Variants in PDE3B observed in about 807,000 individuals in gnomAD.
PDE3B encodes the protein cGMP-inhibited 3',5'-cyclic phosphodiesterase 3B.
A neutral mutation model predicts 116.8 loss-of-function variants in PDE3B; 66 were observed. That is an observed-to-expected ratio of 0.56 (90% CI 0.46 to 0.69). The LOEUF is 0.69. Ranked by LOEUF, PDE3B falls within the 30% of genes least tolerant of loss-of-function variation. PDE3B has a pLI of 0.00. For synonymous variants in PDE3B, 595 were observed against 533.6 expected (o/e 1.12, Z -1.59); for missense variants, 1,384 against 1,368.1 (o/e 1.01, Z -0.18).
chr11:14,828,744 CAG>C (rs1232845087), intron 7 of PDE3B, among the ~76,000 whole-genome samples: 22 of 152,166 alleles, frequency 1.4e-4, no homozygotes, highest in Non-Finnish European at 4.4e-5. Context: ...TTGTGGTAGA[CAG>C]TGTGGTGATT....
At chr11:14,867,208 T>C (rs1555008197) in intron 14 of PDE3B, among the ~76,000 whole-genome samples, 3 of 152,214 alleles carry the variant, frequency 2.0e-5, no homozygotes, top group Non-Finnish European at 4.4e-5. Context: ...ATTGACACTA[T>C]GGAATTTTGC....
chr11:14,822,274 C>A (rs1159444372), intron 7 of PDE3B, among the ~76,000 whole-genome samples: 6 of 152,114 alleles, frequency 3.9e-5, no homozygotes, highest in Non-Finnish European at 7.4e-5. Flanking sequence ...ATCATATAAT[C>A]AGCACCCAGA....
At chr11:14,762,832 G>A (rs1311104941) in intron 1 of PDE3B, among the ~76,000 whole-genome samples, 1 of 152,216 alleles carries the variant, frequency 6.6e-6, no homozygotes, top group East Asian at 1.9e-4. Context: ...AAAGAGGGGA[G>A]TTATATTTTT....
intron 5 of PDE3B, among the ~76,000 whole-genome samples, chr11:14,806,649 G>A (rs1858935367): frequency 6.6e-6 from 1 of 151,466 alleles, no homozygotes; most frequent in South Asian, 2.1e-4. Context: ...CACGAGGTCA[G>A]GAGATCGAGA....
intron 8 of PDE3B, among the ~76,000 whole-genome samples, chr11:14,831,273 C>T (rs1859874691): frequency 6.6e-6 from 1 of 151,524 alleles, no homozygotes; most frequent in South Asian, 2.1e-4. Context: ...GAAAAATTAT[C>T]CTGGTAATAA....
chr11:14,755,729 A>G (rs954025190), intron 1 of PDE3B, among the ~76,000 whole-genome samples: 22 of 152,174 alleles, frequency 1.4e-4, no homozygotes, highest in African/African-American at 5.3e-4. Context: ...TATATTTTGA[A>G]TTTTGTCGAT....
intron 1 of PDE3B, among the ~76,000 whole-genome samples, chr11:14,753,108 A>G (rs1385353307): frequency 1.3e-5 from 2 of 152,092 alleles, no homozygotes; most frequent in Non-Finnish European, 2.9e-5. Context: ...TTCACCATCC[A>G]TTGGATCATA....
chr11:14,869,735 A>C lies in PDE3B; in HGVS notation c.*75A>C. On this transcript the variant is annotated 3_prime_UTR_variant, in exon 16 of 16. Transcript: ENST00000282096. ...TGCCCAGGGGCAGAAATCATTGCCT[A>C]GTGTTCACCGGCTGACTCTCAACTG... 2 of 1,213,352 alleles carry C rather than the reference A, an allele frequency of 1.6e-6. No individual in the cohort carries two copies. The allele number at this position is 1,213,352 out of a possible 1,614,324, so 75.2% of individuals were successfully genotyped here.
At chr11:14,674,752 A>G (rs1015544126) in intron 1 of PDE3B, among the ~76,000 whole-genome samples, 1 of 152,210 alleles carries the variant, frequency 6.6e-6, no homozygotes, top group East Asian at 1.9e-4. Context: ...ACTTACACTT[A>G]GGGAGAGACA....
intron 12 of PDE3B, among the ~76,000 whole-genome samples, chr11:14,850,660 T>A (rs1270232576): frequency 6.6e-6 from 1 of 152,204 alleles, no homozygotes; most frequent in Non-Finnish European, 1.5e-5. Context: ...TATTAGTGTA[T>A]GTAAAAATTC....
At chr11:14,698,482 A>G (rs1384929902) in intron 1 of PDE3B, among the ~76,000 whole-genome samples, 2 of 151,852 alleles carry the variant, frequency 1.3e-5, no homozygotes, top group Non-Finnish European at 2.9e-5. Flanking sequence ...TATTATGTAT[A>G]TTATCCTTAT....
At chr11:14,775,028 C>T (rs1427466048) in intron 2 of PDE3B, 1 of 152,340 alleles carries the variant, frequency 6.6e-6, no homozygotes, top group African/African-American at 2.4e-5. Flanking sequence ...TTTACATAAG[C>T]ATTTCCTTCT....
chr11:14,889,021 A>G, the PDE3B span, among the ~76,000 whole-genome samples: 1 of 152,196 alleles, frequency 6.6e-6, no homozygotes, highest in Non-Finnish European at 1.5e-5. Context: ...CTTCTATTTA[A>G]GATTGCCTTT....
chr11:14,673,905 A>G (rs1246629910), intron 1 of PDE3B: 4 of 1,441,922 alleles, frequency 2.8e-6, no homozygotes, highest in African/African-American at 1.4e-5. Flanking sequence ...CCCTGCCACA[A>G]CTTCATTAAC....
chr11:14,891,675 G>T, the PDE3B span: 1 of 1,167,778 alleles, frequency 8.6e-7, no homozygotes, highest in Non-Finnish European at 1.1e-6. Context: ...CGCGGCTGGC[G>T]AGCCAAACGG....
chr11:14,736,345 G>A (rs969156298), intron 1 of PDE3B, among the ~76,000 whole-genome samples: 1 of 152,214 alleles, frequency 6.6e-6, no homozygotes, highest in African/African-American at 2.4e-5. Flanking sequence ...GGGGTTTTCT[G>A]TGAATTAATA....
chr11:14,859,023 T>A lies in PDE3B; in HGVS notation c.2521-20T>A. On this transcript the variant is annotated intron_variant, in intron 12 of 15. Transcript: ENST00000282096. ...AATATCTTTGAGGTGTCTGCCTCAT[T>A]TTTCTATATTTCTTTTTAGGCAGTT... 6.4e-6 allele frequency: 10 copies of A among 1,562,948 alleles called. No individual in the cohort carries two copies. Among genetic ancestry groups the A allele is most frequent in the Non-Finnish European group, 8.8e-6 (10 of 1,140,716 alleles).
chr11:14,829,568 G>A (rs1247485166), intron 7 of PDE3B, among the ~76,000 whole-genome samples: 1 of 152,122 alleles, frequency 6.6e-6, no homozygotes, highest in East Asian at 1.9e-4. Context: ...CAGAGACATG[G>A]ATGGAGCTGG....
Position 14,668,180 on chromosome 11 carries a change from C to T in PDE3B, c.978+23127C>T, listed in dbSNP as rs146077931. 2.4e-3 allele frequency among the ~76,000 whole-genome samples: 358 copies of T among 152,142 alleles called. 2 individuals are homozygous for T. Among genetic ancestry groups the T allele is most frequent in the African/African-American group, 8.3e-3 (344 of 41,522 alleles). ...TCTACTTTTTCTGAGACAGTATCGA[C>T]GCTTTGAGCATGACACATCTTTTTG... On this transcript the variant is annotated intron_variant, in intron 1 of 15. Coordinates refer to ENST00000282096, the MANE Select transcript of PDE3B (RefSeq NM_000922.4).
Sources: gnomAD v4.1 joint callset for allele counts (sites outside exome capture counted in the v4.1 genomes callset) on GRCh38, gnomAD v4.1.1 for gene constraint, MANE v1.5 for transcripts, NCBI Gene and HGNC (gene_info 2026-07-23, HGNC 2026-07-21) for gene names.